PSTPIP2: variants seen among roughly 807,000 people sequenced by gnomAD.
The protein encoded by PSTPIP2 is proline-serine-threonine phosphatase interacting protein 2.
PSTPIP2 carries 33 observed loss-of-function variants against 63.3 expected under a neutral mutation model. The observed-to-expected ratio is 0.52, with a 90% CI of 0.40 to 0.70. The LOEUF (loss-of-function observed/expected upper bound fraction) is 0.70, where lower values mean the gene tolerates loss of function less well. Ranked by LOEUF, PSTPIP2 falls within the 30% of genes least tolerant of loss-of-function variation. PSTPIP2 has a pLI of 0.00. For synonymous variants in PSTPIP2, 125 were observed against 132.7 expected, an observed-to-expected ratio of 0.94 and a Z score of 0.40; for missense variants, 312 against 400.7, an observed-to-expected ratio of 0.78 and a Z score of 1.89.
chr18:46,029,885 C>T (rs1031773656), intron 2 of PSTPIP2: 37 of 298,720 alleles, frequency 1.2e-4, no homozygotes, highest in East Asian at 1.8e-4. Context: ...GAGGCCGAGG[C>T]GGGTGGATCA....
chr18:46,001,133 T>C (rs2051661234), intron 6 of PSTPIP2, among the ~76,000 whole-genome samples: 1 of 152,248 alleles, frequency 6.6e-6, no homozygotes, highest in East Asian at 1.9e-4. Flanking sequence ...TTAGATCATA[T>C]AGTAAGTCTA....
intron 1 of PSTPIP2, among the ~76,000 whole-genome samples, chr18:46,053,464 TCTC>T (rs1237961335): frequency 1.3e-5 from 2 of 152,318 alleles, no homozygotes; most frequent in East Asian, 1.9e-4. Flanking sequence ...CAATGCCTTT[TCTC>T]CTCCTCTAAC....
chr18:45,989,421 G>T (rs2051500418), intron 13 of PSTPIP2, among the ~76,000 whole-genome samples: 1 of 152,144 alleles, frequency 6.6e-6, no homozygotes, highest in Non-Finnish European at 1.5e-5. Context: ...TGTAAGAAGT[G>T]CCTTTCACCT....
At chr18:46,047,090 A>G (rs1437756862) in intron 1 of PSTPIP2, among the ~76,000 whole-genome samples, 3 of 152,196 alleles carry the variant, frequency 2.0e-5, no homozygotes, top group Admixed American at 1.3e-4. Flanking sequence ...TCAACTAACA[A>G]TATTATCCAA....
chr18:45,995,604 T>G (rs1324895620), intron 9 of PSTPIP2, among the ~76,000 whole-genome samples: 1 of 152,144 alleles, frequency 6.6e-6, no homozygotes, highest in African/African-American at 2.4e-5. Context: ...CAAATAAGAT[T>G]AGAAACTGCA....
In PSTPIP2 at chr18:45,999,335, G is replaced by A. The variant is rs2144069138; in HGVS notation, c.516+101C>T. 6 of 1,075,122 alleles carry A rather than the reference G, an allele frequency of 5.6e-6. No homozygotes were observed. The East Asian group carries it at 9.8e-5, about 17-fold the overall frequency. The allele number at this position is 1,075,122 out of a possible 1,614,324, so 66.6% of individuals were successfully genotyped here. A position where few individuals can be genotyped will look rare whatever the true frequency, so the allele number is the denominator to read the frequency against. ...AATACATGAAGGAAGATATTTCCAG[G>A]GGTTTAGGATACAGGTTCATTTCTT... is the stretch of plus-strand genomic sequence containing the variant. On this transcript the variant is annotated intron_variant, in intron 7 of 14. Transcript: ENST00000409746.
chr18:46,028,728 G>T, intron 2 of PSTPIP2: 1 of 928,684 alleles, frequency 1.1e-6, no homozygotes, highest in Admixed American at 1.7e-5. Flanking sequence ...GTAAACTTTA[G>T]AAAGACAAAC....
intron 1 of PSTPIP2, among the ~76,000 whole-genome samples, chr18:46,047,191 A>C (rs1039304148): frequency 2.0e-5 from 3 of 152,218 alleles, no homozygotes; most frequent in Non-Finnish European, 4.4e-5. Context: ...GTCAACCTTG[A>C]TCTTTCTTTC....
rs773160824 is a variant in PSTPIP2, at chr18:45,999,472, C to A, written c.480G>T (p.Arg160=). The part of the protein sequence containing the change: ...DKDEAEQAVS[R]SANLVNPKQQ... ...GCTTCGGGTTCACCAGGTTGGCACT[C>A]CGGCTGACGGCCTGTTCTGCCTCAT... is the stretch of plus-strand genomic sequence containing the variant. The change falls in exon 7 of 15, where the codon CGG becomes CGT. Residue 160 remains arginine, a synonymous_variant. Transcript: ENST00000409746. 14 of 1,614,240 alleles carry A rather than the reference C, an allele frequency of 8.7e-6. No homozygotes were observed. The Admixed American group carries it at 2.2e-4, about 25-fold the overall frequency.
chr18:46,020,217 T>C (rs1018430699), intron 3 of PSTPIP2, among the ~76,000 whole-genome samples: 1 of 152,170 alleles, frequency 6.6e-6, no homozygotes, highest in African/African-American at 2.4e-5. Flanking sequence ...TTCTCCACAG[T>C]GTTCTCCCTC....
intron 9 of PSTPIP2, among the ~76,000 whole-genome samples, chr18:45,996,406 G>T (rs1034516552): frequency 6.6e-5 from 10 of 152,312 alleles, no homozygotes; most frequent in African/African-American, 2.4e-4. Flanking sequence ...TAGGTCTGAG[G>T]TTGGTCTGAG....
chr18:46,009,026 C>T (rs1383282739), intron 5 of PSTPIP2, among the ~76,000 whole-genome samples: 2 of 152,084 alleles, frequency 1.3e-5, no homozygotes, highest in African/African-American at 4.8e-5. Flanking sequence ...TCTTCCTCCC[C>T]CCCATCATGT....
intron 6 of PSTPIP2, among the ~76,000 whole-genome samples, chr18:46,001,999 A>G (rs1347945716): frequency 6.6e-6 from 1 of 152,164 alleles, no homozygotes; most frequent in Non-Finnish European, 1.5e-5. Flanking sequence ...AGATATTTTC[A>G]CTGGATATGG....
chr18:46,057,410 C>T (rs936398768), intron 1 of PSTPIP2, among the ~76,000 whole-genome samples: 11 of 151,922 alleles, frequency 7.2e-5, no homozygotes, highest in African/African-American at 2.2e-4. Flanking sequence ...TCACTGCAAC[C>T]TCCACCTCCC....
chr18:46,026,604 A>G (rs542438604), intron 2 of PSTPIP2, among the ~76,000 whole-genome samples: 2 of 152,256 alleles, frequency 1.3e-5, no homozygotes, highest in South Asian at 2.1e-4. Context: ...GCATGGGTGC[A>G]GTGGCTGATG....
intron 7 of PSTPIP2, 105 bp from the exon 8 acceptor site, chr18:45,998,944 G>A: frequency 8.3e-7 from 1 of 1,211,276 alleles, no homozygotes; most frequent in Non-Finnish European, 1.2e-6. Flanking sequence ...GAAGAGACCA[G>A]GTCTAGTGCA....
intron 1 of PSTPIP2, among the ~76,000 whole-genome samples, chr18:46,061,432 T>A (rs1908989780): frequency 6.6e-6 from 1 of 151,972 alleles, no homozygotes; most frequent in Non-Finnish European, 1.5e-5. Context: ...GGCAGGAGCA[T>A]CAAGGTCCCT....
At chr18:45,995,245 G>C (rs2144063622) in intron 9 of PSTPIP2, among the ~76,000 whole-genome samples, 1 of 152,138 alleles carries the variant, frequency 6.6e-6, no homozygotes, top group Non-Finnish European at 1.5e-5. Context: ...TTCCCAAGTA[G>C]CCTCTACCAC....
intron 1 of PSTPIP2, 120 bp downstream of exon 1, chr18:46,072,036 C>T: frequency 1.5e-6 from 2 of 1,290,412 alleles, no homozygotes; most frequent in Non-Finnish European, 2.0e-6. Flanking sequence ...TCCGCCAAGC[C>T]CCCGGGCGCG....
Sources: gnomAD v4.1 joint callset for allele counts (sites outside exome capture counted in the v4.1 genomes callset) on GRCh38, gnomAD v4.1.1 for gene constraint, MANE v1.5 for transcripts, NCBI Gene and HGNC (gene_info 2026-07-23, HGNC 2026-07-21) for gene names.